PDS5B: variants seen among roughly 807,000 people sequenced by gnomAD.
PDS5B encodes the protein sister chromatid cohesion protein PDS5 homolog B.
In PDS5B, 51 loss-of-function variants were observed where a neutral mutation model predicts 184.1. The ratio of observed to expected loss-of-function variants is 0.28; its 90% CI spans 0.22 to 0.35. The LOEUF (loss-of-function observed/expected upper bound fraction) is 0.35, where lower values mean the gene tolerates loss of function less well. Ranked by LOEUF, PDS5B falls within the 10% of genes least tolerant of loss-of-function variation. The pLI is 1.00. For synonymous variants in PDS5B, 566 were observed against 569.2 expected (o/e 0.99, Z 0.08); for missense variants, 1,180 against 1,723.3 (o/e 0.68, Z 5.58).
chr13:32,711,843 G>C (rs1019922558), intron 19 of PDS5B, among the ~76,000 whole-genome samples: 1 of 152,266 alleles, frequency 6.6e-6, no homozygotes, highest in African/African-American at 2.4e-5. Flanking sequence ...GTATATAACA[G>C]TATACCATTT....
chr13:32,770,982 T>C (rs1954765214), intron 33 of PDS5B: 2 of 527,572 alleles, frequency 3.8e-6, no homozygotes, highest in Non-Finnish European at 6.8e-6. Flanking sequence ...GAATACCAAA[T>C]AGTATATTAT....
chr13:32,732,369 AGT>A, intron 20 of PDS5B, 145 bp downstream of exon 20: 2 of 619,982 alleles, frequency 3.2e-6, no homozygotes, highest in Non-Finnish European at 2.9e-6. Flanking sequence ...AACATTGATA[AGT>A]GTTAAAATAT....
Position 32,667,820 on chromosome 13 carries a change from A to G in PDS5B, c.681A>G (p.Gln227=), listed in dbSNP as rs1297741202. 8.8e-6 allele frequency: 14 copies of G among 1,585,748 alleles called. No homozygotes were observed. Among genetic ancestry groups the G allele is most frequent in the Non-Finnish European group, 1.1e-5 (13 of 1,167,380 alleles). ...AGGCTTTACTGAAGAGGACAGCTCAAGCTATTGAGCCATATATTACCAATG... is the reference window on the plus strand; with the variant it reads ...AGGCTTTACTGAAGAGGACAGCTCAGGCTATTGAGCCATATATTACCAATG... ...LAKALLKRTA[Q]AIEPYITNFF... The change falls in exon 7 of 35, where the codon CAA becomes CAG. Residue 227 remains glutamine (Q), a synonymous_variant. Coordinates refer to ENST00000315596, the MANE Select transcript of PDS5B (RefSeq NM_015032.4).
Position 32,699,748 on chromosome 13 carries a change from G to A in PDS5B, c.1619G>A (p.Gly540Asp). 5 of 1,526,460 alleles carry A rather than the reference G, an allele frequency of 3.3e-6. No individual in the cohort carries two copies. The highest frequency in any genetic ancestry group is 4.4e-6 in the Non-Finnish European group (5 of 1,142,840). 94.6% of individuals were successfully genotyped at this position (1,526,460 alleles called of 1,614,324 possible). Residue 540 changes from glycine to aspartate, a missense_variant, in exon 16 of 35, where the codon GGT becomes GAT. Around this residue, in one of 11 missense-constraint regions of PDS5B, gnomAD observed 475 missense variants for 691.5 expected, o/e 0.69. Coordinates refer to ENST00000315596, the MANE Select transcript of PDS5B (RefSeq NM_015032.4). ...MVITRNLPDP[G>D]KAQDFMKKFT... Reference sequence around the variant, plus strand: ...TTTTAAGGAAATTTACCTGATCCTGGTAAGGCTCAGGATTTCATGAAGAAA... The same window carrying A: ...TTTTAAGGAAATTTACCTGATCCTGATAAGGCTCAGGATTTCATGAAGAAA...
intron 31 of PDS5B, among the ~76,000 whole-genome samples, chr13:32,769,656 G>T (rs1417247167): frequency 6.6e-6 from 1 of 152,074 alleles, no homozygotes; most frequent in African/African-American, 2.4e-5. Flanking sequence ...ACCTCCATTT[G>T]TAAAATAATA....
intron 10 of PDS5B, among the ~76,000 whole-genome samples, chr13:32,679,263 TC>T (rs1951164849): frequency 2.6e-5 from 4 of 152,150 alleles, no homozygotes; most frequent in Non-Finnish European, 5.9e-5. Context: ...CCTGTTCAAA[TC>T]CAAATGTCTA....
In PDS5B at chr13:32,725,437, A is replaced by G. The variant is rs183650734; in HGVS notation, c.2124-6664A>G. ...TAATTTCTTTGCTATCTTGTATGACAGGATATTCCAGGACTATCTTGCACT... is the reference window on the plus strand; with the variant it reads ...TAATTTCTTTGCTATCTTGTATGACGGGATATTCCAGGACTATCTTGCACT... On this transcript the variant is annotated intron_variant, in intron 19 of 34. Transcript: ENST00000315596. Among the ~76,000 whole-genome samples the G allele has an allele frequency of 2.6e-5, 4 of 152,206 alleles. No homozygotes were observed. The East Asian group carries it at 7.7e-4, about 29-fold the overall frequency.
chr13:32,669,573 C>T (rs1950882277), intron 7 of PDS5B, among the ~76,000 whole-genome samples: 4 of 152,044 alleles, frequency 2.6e-5, no homozygotes. Context: ...TTAACAATCC[C>T]AGAATACATC....
At chr13:32,717,308 A>C (rs1359768860) in intron 19 of PDS5B, among the ~76,000 whole-genome samples, 1 of 150,958 alleles carries the variant, frequency 6.6e-6, no homozygotes, top group Non-Finnish European at 1.5e-5. Flanking sequence ...GTGTAGAAAG[A>C]AGTAGACATG....
intron 33 of PDS5B, among the ~76,000 whole-genome samples, chr13:32,772,861 A>G (rs568513742): frequency 2.0e-5 from 3 of 152,190 alleles, no homozygotes; most frequent in Non-Finnish European, 4.4e-5. Flanking sequence ...CAGGTACACT[A>G]TATTCAAAGC....
intron 21 of PDS5B, among the ~76,000 whole-genome samples, chr13:32,736,604 T>C (rs1332382927): frequency 6.6e-6 from 1 of 152,142 alleles, no homozygotes; most frequent in Non-Finnish European, 1.5e-5. Flanking sequence ...TTTATAGTTA[T>C]TGTACTTGGG....
At position 32,751,318 on chromosome 13, in the gene PDS5B, C is replaced by T. The variant is rs1166029070; in HGVS notation, c.2737-2014C>T. On this transcript the variant is annotated intron_variant, in intron 24 of 34. Transcript: ENST00000315596. Reference sequence around the variant, plus strand: ...TGAATAGTGCTGCAGTGAACATATACATACATACATGTGCCTTCATGGTAG... The same window carrying T: ...TGAATAGTGCTGCAGTGAACATATATATACATACATGTGCCTTCATGGTAG... Among the ~76,000 whole-genome samples the T allele has an allele frequency of 2.0e-5, 3 of 152,314 alleles. No homozygotes were observed. In the South Asian group the frequency reaches 6.2e-4, roughly 32 times the overall value.
chr13:32,705,080 C>A (rs953055919), intron 17 of PDS5B, among the ~76,000 whole-genome samples: 2 of 152,132 alleles, frequency 1.3e-5, no homozygotes, highest in African/African-American at 4.8e-5. Context: ...CCTCAGAAAT[C>A]CCTTTCCTAA....
chr13:32,603,368 CTTGT>C (rs1021045538), intron 1 of PDS5B, among the ~76,000 whole-genome samples: 48 of 152,270 alleles, frequency 3.2e-4, no homozygotes, highest in African/African-American at 1.2e-3. Context: ...TTCCCCATTT[CTTGT>C]TTTTGTCAGG....
chr13:32,625,745 T>C (rs1251040066), intron 1 of PDS5B, among the ~76,000 whole-genome samples: 1 of 151,640 alleles, frequency 6.6e-6, no homozygotes, highest in South Asian at 2.1e-4. Flanking sequence ...TTCCTGAGCA[T>C]ATTTATATAC....
intron 7 of PDS5B, among the ~76,000 whole-genome samples, chr13:32,668,151 T>TAGATAAA (rs1226437437): frequency 6.6e-6 from 1 of 152,176 alleles, no homozygotes; most frequent in Non-Finnish European, 1.5e-5. Flanking sequence ...TAAATGTAAT[T>TAGATAAA]AGATAAAACA....
chr13:32,588,970 G>A (rs943023152), intron 1 of PDS5B, among the ~76,000 whole-genome samples: 6 of 152,190 alleles, frequency 3.9e-5, no homozygotes, highest in Non-Finnish European at 8.8e-5. Context: ...TATTCTTTCT[G>A]CTTTACCTCT....
At chr13:32,618,629 A>C (rs2058252810) in intron 1 of PDS5B, among the ~76,000 whole-genome samples, 1 of 152,102 alleles carries the variant, frequency 6.6e-6, no homozygotes, top group Admixed American at 6.5e-5. Context: ...GAAGTTAATA[A>C]TTTTACTTTT....
chr13:32,653,421 T>G (rs1770652457), intron 3 of PDS5B, among the ~76,000 whole-genome samples: 2 of 152,224 alleles, frequency 1.3e-5, no homozygotes, highest in Non-Finnish European at 2.9e-5. Flanking sequence ...TGCTGTTACT[T>G]ATGTGTCAGG....
Sources: allele counts gnomAD v4.1 joint callset (sites outside exome capture counted in the v4.1 genomes callset), GRCh38; gene constraint gnomAD v4.1.1; regional missense constraint gnomAD v4.1.1; transcripts MANE v1.5; gene names NCBI Gene and HGNC (gene_info 2026-07-23, HGNC 2026-07-21).